OSMR: variants seen among roughly 807,000 people sequenced by gnomAD.
OSMR encodes the protein oncostatin M receptor.
In OSMR, 81 loss-of-function variants were observed where a neutral mutation model predicts 99.9. That is an observed-to-expected ratio of 0.81 (90% CI 0.68 to 0.97). OSMR has a LOEUF of 0.97. OSMR is among the 50% of genes least tolerant of loss of function. The pLI, the probability that OSMR is intolerant of heterozygous loss-of-function variation, is 0.00. For synonymous variants in OSMR, 406 were observed against 410.4 expected, an observed-to-expected ratio of 0.99 and a Z score of 0.13; for missense variants, 1,099 against 1,153.4, an observed-to-expected ratio of 0.95 and a Z score of 0.68.
intron 13 of OSMR, 195 bp from the exon 14 acceptor site, chr5:38,924,227 A>T: frequency 1.3e-6 from 1 of 772,574 alleles, no homozygotes; most frequent in Non-Finnish European, 1.6e-6. Context: ...CTTGAACAAG[A>T]TTGCTCAACT....
chr5:38,892,857 C>T (rs188012000), intron 7 of OSMR, among the ~76,000 whole-genome samples: 18 of 152,138 alleles, frequency 1.2e-4, no homozygotes, highest in Middle Eastern at 3.4e-3. Context: ...GAGCTGGTGA[C>T]GCCACCTTAC....
intron 1 of OSMR, chr5:38,942,451 AATT>A: frequency 1.3e-6 from 1 of 788,532 alleles, no homozygotes; most frequent in African/African-American, 1.8e-5. Flanking sequence ...ATAAATATCT[AATT>A]TTTTTTTTTT....
intron 1 of OSMR, among the ~76,000 whole-genome samples, chr5:38,848,052 T>G (rs936810984): frequency 2.6e-5 from 4 of 152,200 alleles, no homozygotes; most frequent in African/African-American, 7.2e-5. Flanking sequence ...TCAGGAGAAC[T>G]GTTACGGTTT....
intron 9 of OSMR, among the ~76,000 whole-genome samples, chr5:38,909,006 G>A (rs184823): frequency 0.022 from 3,350 of 152,202 alleles, 66 homozygotes; most frequent in South Asian, 0.085. Flanking sequence ...AACCCAATCC[G>A]AGGAATCTAA....
chr5:38,877,828 C>G (rs538386383), intron 3 of OSMR, among the ~76,000 whole-genome samples: 1 of 152,256 alleles, frequency 6.6e-6, no homozygotes, highest in African/African-American at 2.4e-5. Context: ...TAGCCATACA[C>G]CAAGTGGATT....
At chr5:38,856,477 T>A (rs1334864620) in intron 1 of OSMR, among the ~76,000 whole-genome samples, 2 of 152,194 alleles carry the variant, frequency 1.3e-5, no homozygotes, top group African/African-American at 2.4e-5. Context: ...ACTTTGCTCA[T>A]GTGTAGGCAG....
intron 1 of OSMR, among the ~76,000 whole-genome samples, chr5:38,862,303 C>T (rs1418393174): frequency 9.7e-6 from 1 of 102,952 alleles, no homozygotes; most frequent in Non-Finnish European, 2.0e-5. Flanking sequence ...CTGACCCCCC[C>T]ACCTCCCTCC....
downstream of OSMR, chr5:38,940,638 T>C (rs1747460782): frequency 4.3e-6 from 1 of 232,832 alleles, no homozygotes; most frequent in South Asian, 1.8e-4. Context: ...ACAGCCCTTA[T>C]CTGCTTTGTT....
Position 38,876,365 on chromosome 5 carries a change from A to T in OSMR, c.238A>T (p.Ile80Phe). 6.2e-7 allele frequency: 1 copy of T among 1,612,788 alleles called. No individual in the cohort carries two copies. The highest frequency in any genetic ancestry group is 1.1e-5 in the South Asian group (1 of 90,790). ...CAGTAGGATTGAAACATCCAATGTC[A>T]TCTGGGTGGTAAGTAATTTTTTTGG... The part of the protein sequence containing the change: ...QISRIETSNV[I>F]WVGNYSTTVK... Residue 80 changes from isoleucine to phenylalanine, a missense_variant, in exon 3 of 18, where the codon ATC becomes TTC. Physicochemically the swap from Ile to Phe is conservative, Grantham distance 21. Coordinates refer to ENST00000274276, the MANE Select transcript of OSMR (RefSeq NM_003999.3).
downstream of OSMR, chr5:38,938,817 T>C (rs1376004881): frequency 4.3e-6 from 1 of 232,976 alleles, no homozygotes; most frequent in East Asian, 6.1e-5. Flanking sequence ...ATTTTGTTAA[T>C]GCAGAGACAA....
chr5:38,944,896 T>C (rs1748004535), intron 2 of OSMR: 2 of 1,610,260 alleles, frequency 1.2e-6, no homozygotes, highest in Non-Finnish European at 1.7e-6. Flanking sequence ...TGATTGGATT[T>C]GAATCTGAAG....
intron 12 of OSMR, among the ~76,000 whole-genome samples, chr5:38,922,151 T>A (rs1374288935): frequency 6.6e-6 from 1 of 152,222 alleles, no homozygotes; most frequent in African/African-American, 2.4e-5. Context: ...GGACATATAG[T>A]TGATGAGAAT....
intron 1 of OSMR, among the ~76,000 whole-genome samples, chr5:38,860,809 T>C (rs1016466264): frequency 6.6e-6 from 1 of 152,122 alleles, no homozygotes; most frequent in Non-Finnish European, 1.5e-5. Context: ...AGTAGCCTCC[T>C]GAGTAGGTGC....
chr5:38,928,513 CA>C (rs1746572872), intron 15 of OSMR, among the ~76,000 whole-genome samples: 1 of 152,088 alleles, frequency 6.6e-6, no homozygotes. Flanking sequence ...AAGTGCCGAG[CA>C]AAGGGGGAAA....
chr5:38,888,361 T>G (rs1202202511), intron 7 of OSMR, among the ~76,000 whole-genome samples: 1 of 148,816 alleles, frequency 6.7e-6, no homozygotes, highest in African/African-American at 2.5e-5. Context: ...ATTGCCATGT[T>G]TGGGTGGACC....
chr5:38,881,449 A>G, intron 3 of OSMR, 144 bp from the exon 4 acceptor site: 2 of 1,547,850 alleles, frequency 1.3e-6, no homozygotes, highest in Non-Finnish European at 1.7e-6. Flanking sequence ...AACATGGGGA[A>G]TTGACTAGCA....
At chr5:38,913,808 G>A (rs758390707) in intron 9 of OSMR, among the ~76,000 whole-genome samples, 7 of 152,184 alleles carry the variant, frequency 4.6e-5, no homozygotes, top group African/African-American at 7.2e-5. Flanking sequence ...CCTTCTGTAA[G>A]TATTAAAAGC....
At chr5:38,885,011 C>T (rs1023434338) in intron 5 of OSMR, among the ~76,000 whole-genome samples, 14 of 152,150 alleles carry the variant, frequency 9.2e-5, no homozygotes, top group African/African-American at 3.1e-4. Context: ...CTTGCATCCC[C>T]GAAGCATTCT....
chr5:38,921,019 A>T (rs902294707), intron 11 of OSMR, among the ~76,000 whole-genome samples: 15 of 152,182 alleles, frequency 9.9e-5, no homozygotes, highest in Admixed American at 1.3e-4. Context: ...AACACATCTC[A>T]GAAGCAGTAT....
Sources: allele counts gnomAD v4.1 joint callset (sites outside exome capture counted in the v4.1 genomes callset), GRCh38; gene constraint gnomAD v4.1.1; transcripts MANE v1.5; gene names NCBI Gene and HGNC (gene_info 2026-07-23, HGNC 2026-07-21).